The following SH3GL2 variants were observed in gnomAD, a reference collection of about 807,000 sequenced individuals.
SH3GL2 encodes the protein SH3 domain containing GRB2 like 2, endophilin A1.
A neutral mutation model predicts 46.0 loss-of-function variants in SH3GL2; 24 were observed. The ratio of observed to expected loss-of-function variants is 0.52; its 90% confidence interval spans 0.38 to 0.73. The LOEUF is 0.73. SH3GL2 is among the 30% of genes least tolerant of loss of function. The probability of loss-of-function intolerance (pLI) is 0.00; values close to 1 mark genes in which losing one functional copy is unlikely to be tolerated. For synonymous variants in SH3GL2, 196 were observed against 147.1 expected (o/e 1.33, Z -2.40); for missense variants, 413 against 424.2 (o/e 0.97, Z 0.23).
chr9:17,645,201 A>G (rs1403646567), intron 1 of SH3GL2, among the ~76,000 whole-genome samples: 3 of 90,054 alleles, frequency 3.3e-5, no homozygotes, highest in African/African-American at 1.3e-4. Context: ...TTGCTTGGTA[A>G]ATCTTCCTCC....
chr9:17,758,275 G>A (rs1212561266), intron 2 of SH3GL2, among the ~76,000 whole-genome samples: 1 of 152,044 alleles, frequency 6.6e-6, no homozygotes, highest in Non-Finnish European at 1.5e-5. Flanking sequence ...TAAGAATGCA[G>A]CCATGCCTGG....
At chr9:17,636,403 C>T (rs1819546272) in intron 1 of SH3GL2, among the ~76,000 whole-genome samples, 1 of 152,264 alleles carries the variant, frequency 6.6e-6, no homozygotes, top group South Asian at 2.1e-4. Flanking sequence ...TATTATATTG[C>T]CCTTCCTGCT....
At chr9:17,702,599 T>C (rs1821366184) in intron 1 of SH3GL2, among the ~76,000 whole-genome samples, 1 of 152,126 alleles carries the variant, frequency 6.6e-6, no homozygotes, top group Non-Finnish European at 1.5e-5. Context: ...TCCTTGCTTA[T>C]CATATCATTG....
intron 1 of SH3GL2, among the ~76,000 whole-genome samples, chr9:17,745,675 C>T (rs1284719860): frequency 1.3e-5 from 2 of 151,984 alleles, no homozygotes; most frequent in African/African-American, 2.4e-5. Flanking sequence ...AGGGGGTAAG[C>T]AACACAGCTC....
intron 3 of SH3GL2, among the ~76,000 whole-genome samples, chr9:17,774,549 TG>T (rs1470626615): frequency 1.5e-5 from 2 of 137,086 alleles, no homozygotes; most frequent in Non-Finnish European, 3.4e-5. Flanking sequence ...ATCGTGTGTG[TG>T]GTTTTTTTTT....
chr9:17,626,618 C>T (rs3808747), intron 1 of SH3GL2, among the ~76,000 whole-genome samples: 25,141 of 152,104 alleles, frequency 0.17, 2,169 homozygotes, highest in Middle Eastern at 0.23. Flanking sequence ...AATCGAAGGC[C>T]ATTGAATAAG....
intron 1 of SH3GL2, among the ~76,000 whole-genome samples, chr9:17,676,837 T>C (rs538710570): frequency 6.6e-6 from 1 of 152,176 alleles, no homozygotes; most frequent in Non-Finnish European, 1.5e-5. Context: ...TTTCTCATCT[T>C]TCTCTAGTTT....
intron 1 of SH3GL2, among the ~76,000 whole-genome samples, chr9:17,613,130 A>T (rs954960635): frequency 6.6e-6 from 1 of 152,218 alleles, no homozygotes; most frequent in Admixed American, 6.5e-5. Flanking sequence ...CTTTTATTGT[A>T]CAATAACATT....
At chr9:17,581,085 G>C (rs928636745) in intron 1 of SH3GL2, among the ~76,000 whole-genome samples, 4 of 152,060 alleles carry the variant, frequency 2.6e-5, no homozygotes, top group Admixed American at 2.0e-4. Context: ...CGTATAAAGT[G>C]TTCAATAAAT....
chr9:17,624,315 A>G (rs916440369), intron 1 of SH3GL2, among the ~76,000 whole-genome samples: 37 of 152,238 alleles, frequency 2.4e-4, no homozygotes, highest in Admixed American at 1.8e-3. Context: ...TTCCCTTGCA[A>G]TAAGTGGTCT....
intron 1 of SH3GL2, among the ~76,000 whole-genome samples, chr9:17,726,295 A>G (rs1331824194): frequency 6.6e-6 from 1 of 152,078 alleles, no homozygotes; most frequent in Non-Finnish European, 1.5e-5. Flanking sequence ...ATTGTCATTG[A>G]ATGTGTTCAT....
chr9:17,728,992 G>A (rs556923748), intron 1 of SH3GL2, among the ~76,000 whole-genome samples: 12 of 152,224 alleles, frequency 7.9e-5, no homozygotes, highest in Non-Finnish European at 1.0e-4. Flanking sequence ...TATATACTCC[G>A]TAATGGGATT....
chr9:17,649,449 G>C (rs1046910937), intron 1 of SH3GL2, among the ~76,000 whole-genome samples: 1 of 152,094 alleles, frequency 6.6e-6, no homozygotes, highest in African/African-American at 2.4e-5. Flanking sequence ...ACTACATTCT[G>C]ATTTGGTTGG....
chr9:17,645,099 A>G (rs531942472), intron 1 of SH3GL2, among the ~76,000 whole-genome samples: 5 of 120,848 alleles, frequency 4.1e-5, no homozygotes, highest in African/African-American at 1.6e-4. Flanking sequence ...GTCTTTTTTG[A>G]TCTTTGTTGG....
intron 2 of SH3GL2, among the ~76,000 whole-genome samples, chr9:17,754,016 C>G (rs1822920312): frequency 6.6e-6 from 1 of 152,118 alleles, no homozygotes; most frequent in South Asian, 2.1e-4. Context: ...TCTGAGATCT[C>G]TATTCTATTC....
At chr9:17,694,412 A>C (rs1009189724) in intron 1 of SH3GL2, among the ~76,000 whole-genome samples, 2 of 151,906 alleles carry the variant, frequency 1.3e-5, no homozygotes, top group Non-Finnish European at 2.9e-5. Flanking sequence ...TCTCTGGGGG[A>C]TTTCTTAACT....
At chr9:17,745,102 T>C (rs1203559369) in intron 1 of SH3GL2, among the ~76,000 whole-genome samples, 1 of 152,218 alleles carries the variant, frequency 6.6e-6, no homozygotes, top group Non-Finnish European at 1.5e-5. Context: ...TCGGACTTTA[T>C]GCAACCCTCT....
intron 1 of SH3GL2, among the ~76,000 whole-genome samples, chr9:17,635,358 C>A (rs1262715852): frequency 6.6e-6 from 1 of 152,150 alleles, no homozygotes; most frequent in East Asian, 1.9e-4. Context: ...TGTATATGTA[C>A]CACATTTTCT....
chr9:17,663,536 T>C (rs936624005), intron 1 of SH3GL2, among the ~76,000 whole-genome samples: 2 of 152,222 alleles, frequency 1.3e-5, no homozygotes, highest in Admixed American at 6.5e-5. Flanking sequence ...TTTATTATCA[T>C]ATCAAAAAAC....
Sources: allele counts gnomAD v4.1 joint callset (sites outside exome capture counted in the v4.1 genomes callset), GRCh38; gene constraint gnomAD v4.1.1; transcripts MANE v1.5; gene names NCBI Gene and HGNC (gene_info 2026-07-23, HGNC 2026-07-21).